The following PRCP variants were observed in gnomAD, a reference collection of about 807,000 sequenced individuals.
PRCP encodes the protein prolylcarboxypeptidase.
PRCP carries 46 observed loss-of-function variants against 54.2 expected under a neutral mutation model. That is an observed-to-expected ratio of 0.85 (90% CI 0.67 to 1.09). The LOEUF is 1.09. PRCP is among the 50% of genes least tolerant of loss of function. The pLI is 0.00. For missense variants in PRCP, 613 were observed against 596.8 expected (o/e 1.03, Z -0.28); for synonymous variants, 240 against 212.2 (o/e 1.13, Z -1.14).
intron 6 of PRCP, among the ~76,000 whole-genome samples, chr11:82,842,434 A>T (rs879380722): frequency 3.3e-5 from 5 of 152,162 alleles, no homozygotes; most frequent in Non-Finnish European, 5.9e-5. Context: ...TACTGGATCC[A>T]GCTTTGTACA....
intron 8 of PRCP, chr11:82,828,055 T>G (rs558694260): frequency 2.0e-5 from 3 of 152,332 alleles, no homozygotes; most frequent in South Asian, 2.1e-4. Context: ...ATGCATAGAT[T>G]GCATTCGTGT....
At chr11:82,893,817 T>C (rs189686814) in intron 1 of PRCP, among the ~76,000 whole-genome samples, 12 of 152,252 alleles carry the variant, frequency 7.9e-5, no homozygotes, top group Non-Finnish European at 1.6e-4. Flanking sequence ...AAAAGGATAG[T>C]TCTCTTGCCT....
intron 6 of PRCP, among the ~76,000 whole-genome samples, chr11:82,842,892 A>G (rs1858708906): frequency 6.6e-6 from 1 of 152,258 alleles, no homozygotes; most frequent in Admixed American, 6.5e-5. Flanking sequence ...ATTAAAAAAC[A>G]GAATCTCTAA....
chr11:82,836,511 A>AT (rs150980041), intron 8 of PRCP: 17,420 of 151,812 alleles, frequency 0.11, 2,110 homozygotes, highest in African/African-American at 0.31. Flanking sequence ...CATTTCTTTC[A>AT]TTTTTTTTTG....
chr11:82,862,423 A>G (rs910371539), intron 1 of PRCP, among the ~76,000 whole-genome samples: 38 of 152,212 alleles, frequency 2.5e-4, no homozygotes, highest in Non-Finnish European at 1.5e-5. Context: ...GTGCTTTGGA[A>G]AGACAGAAAT....
intron 8 of PRCP, chr11:82,829,736 G>A (rs1054043430): frequency 2.0e-5 from 3 of 152,132 alleles, no homozygotes; most frequent in African/African-American, 4.8e-5. Flanking sequence ...AGCAGACCTG[G>A]CTTAGAAAAG....
chr11:82,844,254 C>T (rs1441176033), intron 6 of PRCP, among the ~76,000 whole-genome samples: 1 of 151,948 alleles, frequency 6.6e-6, no homozygotes, highest in African/African-American at 2.4e-5. Flanking sequence ...TGCCCAAAAC[C>T]ACACAGCAAG....
At chr11:82,900,676 T>G, upstream of PRCP, 1 of 614,990 alleles carries the variant, frequency 1.6e-6, no homozygotes, top group Non-Finnish European at 3.0e-6. Flanking sequence ...ACCCCAAGTC[T>G]GCCCTTATCA....
intron 1 of PRCP, among the ~76,000 whole-genome samples, chr11:82,880,859 G>T (rs905904664): frequency 1.4e-5 from 2 of 148,128 alleles, no homozygotes; most frequent in Non-Finnish European, 3.0e-5. Context: ...AAAACCCTCT[G>T]CAAGGAAGGA....
At chr11:82,829,125 C>T (rs1591033281) in intron 8 of PRCP, 1 of 152,158 alleles carries the variant, frequency 6.6e-6, no homozygotes, top group East Asian at 1.9e-4. Context: ...GATCTTCCTG[C>T]CTCTACTCTT....
chr11:82,880,633 G>C (rs1327024395), intron 1 of PRCP, among the ~76,000 whole-genome samples: 3 of 152,178 alleles, frequency 2.0e-5, no homozygotes, highest in African/African-American at 7.2e-5. Context: ...GACTGGAGCT[G>C]TTCCTATTCG....
intron 1 of PRCP, among the ~76,000 whole-genome samples, chr11:82,870,199 T>A (rs937054578): frequency 6.6e-6 from 1 of 152,238 alleles, no homozygotes; most frequent in African/African-American, 2.4e-5. Flanking sequence ...ACATAGCAGC[T>A]CGTTCAGCAG....
chr11:82,886,310 G>A (rs1169869922), intron 1 of PRCP, among the ~76,000 whole-genome samples: 5 of 151,860 alleles, frequency 3.3e-5, no homozygotes, highest in Admixed American at 3.3e-4. Context: ...TTTTTGACAG[G>A]GTGTCATTCT....
At chr11:82,899,025 G>A (rs911485898) in intron 1 of PRCP, among the ~76,000 whole-genome samples, 3 of 152,042 alleles carry the variant, frequency 2.0e-5, no homozygotes, top group African/African-American at 7.2e-5. Flanking sequence ...AAGTTATTCT[G>A]GAAGTCTATG....
At chr11:82,844,919 ATT>A (rs1194797830) in intron 6 of PRCP, among the ~76,000 whole-genome samples, 1 of 151,898 alleles carries the variant, frequency 6.6e-6, no homozygotes, top group African/African-American at 2.4e-5. Context: ...TTTTAAAACA[ATT>A]TTCCTAATTC....
At chr11:82,838,717 T>C in intron 7 of PRCP, 143 bp from the exon 8 acceptor site, 1 of 696,478 alleles carries the variant, frequency 1.4e-6, no homozygotes, top group East Asian at 2.9e-5. Context: ...TGTTCTTTAC[T>C]TCTGCGCCAT....
intron 2 of PRCP, among the ~76,000 whole-genome samples, chr11:82,857,579 T>A (rs992608506): frequency 2.5e-4 from 38 of 152,226 alleles, no homozygotes; most frequent in African/African-American, 8.4e-4. Flanking sequence ...TTCTAGGTAG[T>A]CAACATCAAT....
intron 1 of PRCP, among the ~76,000 whole-genome samples, chr11:82,868,591 AG>A (rs1341873952): frequency 9.5e-6 from 1 of 104,848 alleles, no homozygotes; most frequent in African/African-American, 4.7e-5. Flanking sequence ...AACACAGAGA[AG>A]AATTTTTTTT....
chr11:82,880,318 GT>G (rs1196349669), intron 1 of PRCP, among the ~76,000 whole-genome samples: 4 of 152,254 alleles, frequency 2.6e-5, no homozygotes, highest in Admixed American at 6.5e-5. Flanking sequence ...GCGAGGCTCT[GT>G]GGGTGTGGGA....
Sources: gnomAD v4.1 joint callset for allele counts (sites outside exome capture counted in the v4.1 genomes callset) on GRCh38, gnomAD v4.1.1 for gene constraint, MANE v1.5 for transcripts, NCBI Gene and HGNC (gene_info 2026-07-23, HGNC 2026-07-21) for gene names.